DISC1: variants seen among roughly 807,000 people sequenced by gnomAD.
The protein encoded by DISC1 is disrupted in schizophrenia 1 protein.
A neutral mutation model predicts 84.5 loss-of-function variants in DISC1; 57 were observed. The ratio of observed to expected loss-of-function variants is 0.67; its 90% CI spans 0.55 to 0.84. The LOEUF is 0.84. Among genes scored for constraint, DISC1 ranks in the 40% least tolerant of loss-of-function variants. The pLI is 0.00. For missense variants in DISC1, 1,000 were observed against 1,057.8 expected, an observed-to-expected ratio of 0.95 and a Z score of 0.76; for synonymous variants, 411 against 415.2, an observed-to-expected ratio of 0.99 and a Z score of 0.12.
intron 9 of DISC1, among the ~76,000 whole-genome samples, chr1:231,949,702 G>T (rs558661942): frequency 9.3e-4 from 141 of 152,272 alleles, no homozygotes; most frequent in African/African-American, 3.2e-3. Flanking sequence ...TGTCCCAGCA[G>T]CTCTCCCAAC....
intron 9 of DISC1, among the ~76,000 whole-genome samples, chr1:231,919,361 C>G (rs1403478728): frequency 6.6e-6 from 1 of 152,184 alleles, no homozygotes. Context: ...CTTTACCATG[C>G]TTGCTTTCAA....
chr1:232,019,743 C>T (rs577734983), intron 11 of DISC1, among the ~76,000 whole-genome samples: 5 of 152,260 alleles, frequency 3.3e-5, no homozygotes, highest in Admixed American at 2.6e-4. Context: ...GGAAAGGAGA[C>T]ATTCTCGCCG....
chr1:231,956,942 C>G (rs1291698790), intron 9 of DISC1, among the ~76,000 whole-genome samples: 1 of 152,104 alleles, frequency 6.6e-6, no homozygotes, highest in African/African-American at 2.4e-5. Flanking sequence ...AAACTGGACT[C>G]TAGCCTCAGA....
intron 10 of DISC1, among the ~76,000 whole-genome samples, chr1:232,005,076 C>T (rs1667249178): frequency 7.3e-6 from 1 of 137,000 alleles, no homozygotes; most frequent in Admixed American, 7.2e-5. Context: ...CTCCCTCCCT[C>T]CCTCCCTCCT....
At chr1:231,960,893 GA>G (rs1482156878) in intron 10 of DISC1, among the ~76,000 whole-genome samples, 5 of 152,226 alleles carry the variant, frequency 3.3e-5, no homozygotes, top group African/African-American at 1.2e-4. Flanking sequence ...GGATTCCCAT[GA>G]TCCCCTCCTT....
intron 1 of DISC1, among the ~76,000 whole-genome samples, chr1:231,662,929 A>T (rs969826437): frequency 2.0e-5 from 3 of 152,176 alleles, no homozygotes; most frequent in African/African-American, 7.2e-5. Flanking sequence ...AAAGGAGGCA[A>T]AATGGCAAAA....
intron 9 of DISC1, among the ~76,000 whole-genome samples, chr1:231,950,519 TG>T (rs1404019078): frequency 1.3e-5 from 2 of 152,040 alleles, no homozygotes; most frequent in Non-Finnish European, 2.9e-5. Flanking sequence ...GGCACGTGAG[TG>T]GGAGGCTGTG....
chr1:231,656,689 C>T (rs966664230), intron 1 of DISC1, among the ~76,000 whole-genome samples: 6 of 152,080 alleles, frequency 3.9e-5, no homozygotes, highest in Non-Finnish European at 5.9e-5. Flanking sequence ...CACAAGTAAA[C>T]GTGTGCCATG....
At chr1:232,013,135 A>AT (rs1319461600) in intron 11 of DISC1, among the ~76,000 whole-genome samples, 13 of 151,880 alleles carry the variant, frequency 8.6e-5, no homozygotes, top group African/African-American at 3.1e-4. Context: ...TACCTGCGTA[A>AT]TTTTTTTCTT....
intron 9 of DISC1, among the ~76,000 whole-genome samples, chr1:231,928,697 G>A (rs1359766457): frequency 6.6e-6 from 1 of 152,162 alleles, no homozygotes; most frequent in Non-Finnish European, 1.5e-5. Context: ...GGCATTTAGT[G>A]CTATAAATTT....
chr1:231,674,079 T>C (rs2062897092), intron 1 of DISC1, among the ~76,000 whole-genome samples: 1 of 152,210 alleles, frequency 6.6e-6, no homozygotes, highest in South Asian at 2.1e-4. Context: ...AGTGATCTTA[T>C]CTTAAAAATA....
At chr1:231,797,652 C>T (rs2078864277) in intron 7 of DISC1, among the ~76,000 whole-genome samples, 1 of 152,162 alleles carries the variant, frequency 6.6e-6, no homozygotes, top group South Asian at 2.1e-4. Flanking sequence ...CTAATGCCAT[C>T]ACCTTGGGAG....
chr1:231,718,855 G>A (rs914326285), intron 3 of DISC1, among the ~76,000 whole-genome samples: 4 of 152,200 alleles, frequency 2.6e-5, no homozygotes, highest in Non-Finnish European at 5.9e-5. Flanking sequence ...CTTGGTTTCT[G>A]GTTGGTCATG....
rs61353660 is a variant in DISC1, at chr1:231,781,192, GAA to G, written c.1634+10133_1634+10134del. ...AAAAAAAAAAGAAATGCAGCCTCAG[GAA>G]AAAAAAAAAAGACTTTATTTTGTGC... On this transcript the variant is annotated intron_variant, in intron 6 of 12. Transcript: ENST00000439617. 2.5e-3 allele frequency among the ~76,000 whole-genome samples: 330 copies of G among 134,002 alleles called. 2 individuals carry two copies. The highest frequency in any genetic ancestry group is 5.8e-3 in the African/African-American group (206 of 35,770). 87.9% of individuals were successfully genotyped at this position (134,002 alleles called of 152,430 possible).
intron 10 of DISC1, among the ~76,000 whole-genome samples, chr1:231,981,906 T>C (rs72762348): frequency 0.05 from 7,569 of 152,158 alleles, 290 homozygotes; most frequent in East Asian, 0.21. Flanking sequence ...GACAGATTAT[T>C]TTAAGTGTGA....
chr1:232,006,602 A>C (rs1244753909), intron 10 of DISC1, among the ~76,000 whole-genome samples: 1 of 152,214 alleles, frequency 6.6e-6, no homozygotes, highest in Non-Finnish European at 1.5e-5. Context: ...ATTTTTATGC[A>C]TTCATGAAGA....
chr1:231,739,848 C>A (rs913030148), intron 3 of DISC1, among the ~76,000 whole-genome samples: 1 of 152,194 alleles, frequency 6.6e-6, no homozygotes, highest in Non-Finnish European at 1.5e-5. Flanking sequence ...ACAAAGATTG[C>A]CAATCTGGGT....
At position 231,772,123 on chromosome 1, in the gene DISC1, GT is replaced by G. The variant is rs2076598429; in HGVS notation, c.1634+1058del. Among the ~76,000 whole-genome samples, 3 of 151,364 alleles carry G rather than the reference GT, an allele frequency of 2.0e-5. 1 individual carries two copies. In the South Asian group the frequency reaches 6.3e-4, roughly 32 times the overall value. ...GGTCACCACATCCGGCTATTTTTTTGTTTTTATTTTTTTGTAGAGGTGAAGT... is the reference window on the plus strand; with the variant it reads ...GGTCACCACATCCGGCTATTTTTTTGTTTTATTTTTTTGTAGAGGTGAAGT... On this transcript the variant is annotated intron_variant, in intron 6 of 12. Coordinates refer to ENST00000439617, the MANE Select transcript of DISC1 (RefSeq NM_018662.3).
intron 3 of DISC1, among the ~76,000 whole-genome samples, chr1:231,712,384 G>A (rs564554835): frequency 6.6e-6 from 1 of 152,094 alleles, no homozygotes; most frequent in Non-Finnish European, 1.5e-5. Flanking sequence ...TAGCAAAATG[G>A]TAGAGTTTGC....
Sources: gnomAD v4.1 joint callset for allele counts (sites outside exome capture counted in the v4.1 genomes callset) on GRCh38, gnomAD v4.1.1 for gene constraint, MANE v1.5 for transcripts, NCBI Gene and HGNC (gene_info 2026-07-23, HGNC 2026-07-21) for gene names.